KLHL32: variants seen among roughly 807,000 people sequenced by gnomAD.
KLHL32 encodes kelch-like protein 32.
A neutral mutation model predicts 64.8 loss-of-function variants in KLHL32; 35 were observed. That is an observed-to-expected ratio of 0.54 (90% CI 0.41 to 0.72). The LOEUF is 0.72. KLHL32 is among the 30% of genes least tolerant of loss of function. The probability of loss-of-function intolerance (pLI) is 0.00; values close to 1 mark genes in which losing one functional copy is unlikely to be tolerated. For synonymous variants in KLHL32, 259 were observed against 281.0 expected (o/e 0.92, Z 0.78); for missense variants, 589 against 768.5 (o/e 0.77, Z 2.76).
chr6:96,974,911 C>T (rs1036902196), intron 2 of KLHL32, among the ~76,000 whole-genome samples: 1 of 152,212 alleles, frequency 6.6e-6, no homozygotes. Flanking sequence ...TATTTTTACT[C>T]AGCTTTGAGA....
At chr6:96,973,623 A>C (rs2128041327) in intron 2 of KLHL32, among the ~76,000 whole-genome samples, 1 of 151,982 alleles carries the variant, frequency 6.6e-6, no homozygotes, top group African/African-American at 2.4e-5. Context: ...CATGTATATT[A>C]TTCTAAAAGG....
chr6:97,114,192 A>G lies in KLHL32; in HGVS notation c.1037A>G (p.Asp346Gly). ...CACCATTGTGTGGCAGTCATGGGGG[A>G]CTTCCTGTTTGTGGCAGGAGGGGAA... ...RSHHCVAVMG[D>G]FLFVAGGEVE... The change falls in exon 7 of 11, where the codon GAC becomes GGC. Residue 346 changes from aspartate (D) to glycine (G), a missense_variant. Asp to Gly is a moderately conservative substitution (Grantham distance 94, BLOSUM62 -1). Around this residue, in one of 3 missense-constraint regions of KLHL32, gnomAD observed 226 missense variants for 353.2 expected, o/e 0.64. Transcript: ENST00000369261. 1 of 1,614,034 alleles carries G rather than the reference A, an allele frequency of 6.2e-7. No individual in the cohort carries two copies. Among genetic ancestry groups the G allele is most frequent in the Non-Finnish European group, 8.5e-7 (1 of 1,179,994 alleles).
In KLHL32 at chr6:97,085,258, G is replaced by C; in HGVS notation, c.544G>C (p.Val182Leu). Reference sequence around the variant, plus strand: ...ACTCCTGAAGAGCCGCCCAGAAGAAGTTCTAACGCTTCCCTATTGCCTGCT... The same window carrying C: ...ACTCCTGAAGAGCCGCCCAGAAGAACTTCTAACGCTTCCCTATTGCCTGCT... ...SELLKSRPEE[V>L]LTLPYCLLQE... The change falls in exon 6 of 11, where the codon GTT (valine) becomes CTT (leucine). Residue 182 changes from valine to leucine, a missense_variant. Physicochemically the swap from Val to Leu is conservative, Grantham distance 32. Around this residue, in one of 3 missense-constraint regions of KLHL32, gnomAD observed 191 missense variants for 223.3 expected, o/e 0.86. Coordinates refer to ENST00000369261, the MANE Select transcript of KLHL32 (RefSeq NM_052904.4). 1 of 1,613,898 alleles carries C rather than the reference G, an allele frequency of 6.2e-7. No individual in the cohort carries two copies. Among genetic ancestry groups the C allele is most frequent in the Non-Finnish European group, 8.5e-7 (1 of 1,180,020 alleles).
intron 1 of KLHL32, among the ~76,000 whole-genome samples, chr6:96,934,638 A>G (rs966681944): frequency 4.6e-5 from 7 of 152,260 alleles, no homozygotes; most frequent in East Asian, 3.8e-4. Flanking sequence ...AAATTTGTGT[A>G]TAACTAATTA....
chr6:96,915,458 G>C, the KLHL32 span, among the ~76,000 whole-genome samples: 2 of 152,154 alleles, frequency 1.3e-5, no homozygotes, highest in African/African-American at 4.8e-5. Context: ...AGCAACACAA[G>C]CCAGGTGCCC....
chr6:96,916,546 C>T, the KLHL32 span, among the ~76,000 whole-genome samples: 6 of 152,288 alleles, frequency 3.9e-5, no homozygotes, highest in East Asian at 1.9e-4. Flanking sequence ...GTCACTTTCC[C>T]GTAATTTATC....
intron 4 of KLHL32, among the ~76,000 whole-genome samples, chr6:97,048,327 G>A (rs1786255363): frequency 1.3e-5 from 2 of 152,124 alleles, no homozygotes; most frequent in Admixed American, 1.3e-4. Context: ...AGTAACTCCA[G>A]CCCTTGGCTT....
At chr6:97,037,404 TA>T (rs59804093) in intron 3 of KLHL32, among the ~76,000 whole-genome samples, 39,788 of 151,802 alleles carry the variant, frequency 0.26, 6,779 homozygotes, top group African/African-American at 0.48. Flanking sequence ...GATAAAAAAA[TA>T]ACATTTGTTA....
intron 3 of KLHL32, among the ~76,000 whole-genome samples, chr6:97,007,504 G>A (rs181052863): frequency 6.6e-6 from 1 of 152,142 alleles, no homozygotes; most frequent in African/African-American, 2.4e-5. Context: ...TTTCAGCCTG[G>A]TTAAGAACCA....
chr6:97,122,418 G>A (rs1798460117), intron 7 of KLHL32, among the ~76,000 whole-genome samples: 1 of 152,220 alleles, frequency 6.6e-6, no homozygotes, highest in South Asian at 2.1e-4. Flanking sequence ...TAATTGTTTA[G>A]TATTATAAAC....
At chr6:96,944,751 C>T (rs989006313) in intron 1 of KLHL32, among the ~76,000 whole-genome samples, 2 of 152,230 alleles carry the variant, frequency 1.3e-5, no homozygotes, top group Non-Finnish European at 2.9e-5. Context: ...GACTTCACAA[C>T]ACTTTCCAAA....
At chr6:97,051,403 A>G (rs1786881681) in intron 4 of KLHL32, among the ~76,000 whole-genome samples, 1 of 152,190 alleles carries the variant, frequency 6.6e-6, no homozygotes, top group African/African-American at 2.4e-5. Flanking sequence ...GGGGCAATAA[A>G]CAGTCTTTCT....
intron 4 of KLHL32, among the ~76,000 whole-genome samples, chr6:97,045,113 A>C (rs538756998): frequency 2.6e-5 from 4 of 152,334 alleles, no homozygotes; most frequent in African/African-American, 9.6e-5. Context: ...CAACTCTGGC[A>C]GCTAGAAGAA....
chr6:96,993,024 A>C (rs918226223), intron 3 of KLHL32, among the ~76,000 whole-genome samples: 2 of 152,218 alleles, frequency 1.3e-5, no homozygotes, highest in Admixed American at 6.5e-5. Flanking sequence ...GAGAAAGCCG[A>C]ATAAAGTTGG....
At chr6:97,086,258 G>A (rs1169474166) in intron 6 of KLHL32, among the ~76,000 whole-genome samples, 1 of 152,220 alleles carries the variant, frequency 6.6e-6, no homozygotes, top group Non-Finnish European at 1.5e-5. Context: ...TATTTAGAGA[G>A]TATTTTAATT....
chr6:96,995,752 T>C (rs1316247749), intron 3 of KLHL32, among the ~76,000 whole-genome samples: 3 of 152,208 alleles, frequency 2.0e-5, no homozygotes, highest in Admixed American at 2.0e-4. Context: ...AAATATGATG[T>C]CTCTCATGAA....
intron 6 of KLHL32, among the ~76,000 whole-genome samples, 188 bp downstream of exon 6, chr6:97,085,529 G>C (rs1793281141): frequency 1.3e-5 from 2 of 152,184 alleles, no homozygotes; most frequent in Non-Finnish European, 2.9e-5. Context: ...GCCCTCAGCG[G>C]ACTCTGCCGC....
At chr6:97,011,347 A>T (rs949677194) in intron 3 of KLHL32, among the ~76,000 whole-genome samples, 1 of 152,228 alleles carries the variant, frequency 6.6e-6, no homozygotes. Flanking sequence ...GTGATAAATC[A>T]CCTAGAGAAG....
chr6:97,132,956 A>C (rs1378844130), intron 10 of KLHL32, among the ~76,000 whole-genome samples: 1 of 152,110 alleles, frequency 6.6e-6, no homozygotes, highest in Non-Finnish European at 1.5e-5. Context: ...AATAAAAATG[A>C]GGATGAATTT....
Sources: allele counts gnomAD v4.1 joint callset (sites outside exome capture counted in the v4.1 genomes callset), GRCh38; gene constraint gnomAD v4.1.1; regional missense constraint gnomAD v4.1.1; transcripts MANE v1.5; gene names NCBI Gene and HGNC (gene_info 2026-07-23, HGNC 2026-07-21).